The following GLUD1 variants were observed in gnomAD, a reference collection of about 807,000 sequenced individuals.
The protein encoded by GLUD1 is glutamate dehydrogenase 1, mitochondrial.
In GLUD1, 22 loss-of-function variants were observed where a neutral mutation model predicts 56.0. That is an observed-to-expected ratio of 0.39 (90% CI 0.28 to 0.56). GLUD1 has a LOEUF of 0.56. GLUD1 is among the 20% of genes least tolerant of loss of function. The pLI is 0.58. For synonymous variants in GLUD1, 223 were observed against 269.9 expected, an observed-to-expected ratio of 0.83 and a Z score of 1.70; for missense variants, 451 against 732.0, an observed-to-expected ratio of 0.62 and a Z score of 4.43.
At chr10:87,088,300 A>G (rs1841433594) in intron 1 of GLUD1, among the ~76,000 whole-genome samples, 1 of 152,102 alleles carries the variant, frequency 6.6e-6, no homozygotes, top group African/African-American at 2.4e-5. Flanking sequence ...TCTACTTGGG[A>G]GAAATCAATG....
Position 87,076,557 on chromosome 10 carries a change from A to T in GLUD1, c.526+19T>A. 6.8e-7 allele frequency: 1 copy of T among 1,479,498 alleles called. No individual in the cohort carries two copies. The highest frequency in any genetic ancestry group is 9.5e-7 in the Non-Finnish European group (1 of 1,056,876). 91.6% of individuals were successfully genotyped at this position (1,479,498 alleles called of 1,614,324 possible). A position where few individuals can be genotyped will look rare whatever the true frequency, so the allele number is the denominator to read the frequency against. On this transcript the variant is annotated intron_variant, in intron 2 of 12. Coordinates refer to ENST00000277865, the MANE Select transcript of GLUD1 (RefSeq NM_005271.5). ...TTCCCCAGAGTTCTCATTAGGCAGC[A>T]AGAAAGGCGATCACTTACCAACCAC...
Position 87,094,303 on chromosome 10 carries a change from A to ACGGGGCCCGGC in GLUD1, c.445+11_445+21dup, listed in dbSNP as rs1316892102. The ACGGGGCCCGGC allele has an allele frequency of 6.3e-7, 1 of 1,584,626 alleles. No individual in the cohort carries two copies. Among genetic ancestry groups the ACGGGGCCCGGC allele is most frequent in the East Asian group, 2.3e-5 (1 of 43,238 alleles). ...CCGCAGGGGAGGCAGGGAGGGCGGG[A>ACGGGGCCCGGC]CGGGGCCCGGCCGACGCTCACCTCC... On this transcript the variant is annotated intron_variant, in intron 1 of 12. Coordinates refer to ENST00000277865, the MANE Select transcript of GLUD1 (RefSeq NM_005271.5). This position sits in a 1 kb window ranked among gnomAD's most constrained non-coding sequence, Gnocchi z 6.6.
chr10:87,063,177 G>A (rs1350226746), intron 5 of GLUD1, among the ~76,000 whole-genome samples: 5 of 151,856 alleles, frequency 3.3e-5, no homozygotes, highest in African/African-American at 1.2e-4. Flanking sequence ...AGGTTCAAGC[G>A]ATTCTCCTGC....
chr10:87,079,687 TGCCCTGC>T (rs1841153301), intron 1 of GLUD1, among the ~76,000 whole-genome samples: 1 of 152,138 alleles, frequency 6.6e-6, no homozygotes, highest in Admixed American at 6.5e-5. Flanking sequence ...TCTGGCACGG[TGCCCTGC>T]AAGTGGTCAA....
At chr10:87,079,665 G>A (rs999323250) in intron 1 of GLUD1, among the ~76,000 whole-genome samples, 9 of 152,096 alleles carry the variant, frequency 5.9e-5, no homozygotes, top group Non-Finnish European at 1.2e-4. Context: ...GAGGAACATC[G>A]CACATGGGGA....
intron 5 of GLUD1, among the ~76,000 whole-genome samples, chr10:87,064,898 A>G (rs533226144): frequency 3.2e-4 from 48 of 152,336 alleles, no homozygotes; most frequent in African/African-American, 1.1e-3. Context: ...TGGTCCTGAA[A>G]GCCCAGAGAA....
chr10:87,076,907 T>C (rs937298923), intron 1 of GLUD1, among the ~76,000 whole-genome samples: 4 of 152,288 alleles, frequency 2.6e-5, no homozygotes, highest in Non-Finnish European at 4.4e-5. Context: ...AAAATCACCC[T>C]GCAATGAATT....
intron 3 of GLUD1, among the ~76,000 whole-genome samples, chr10:87,075,267 T>G (rs1471509583): frequency 6.6e-6 from 1 of 152,178 alleles, no homozygotes; most frequent in Non-Finnish European, 1.5e-5. Flanking sequence ...GCCTGGCTAA[T>G]CAGATCACAG....
chr10:87,051,645 T>A lies in GLUD1; in HGVS notation c.*106A>T. The A allele has an allele frequency of 8.0e-7, 1 of 1,242,284 alleles. No homozygotes were observed. Among genetic ancestry groups the A allele is most frequent in the Non-Finnish European group, 1.2e-6 (1 of 842,738 alleles). The allele number at this position is 1,242,284 out of a possible 1,614,324, so 77.0% of individuals were successfully genotyped here. ...ACTTGTTGAGAATGGTATCCATTAT[T>A]AATGAGTCAGGAGAGAAAGGGATTT... On this transcript the variant is annotated 3_prime_UTR_variant, in exon 13 of 13. Coordinates refer to ENST00000277865, the MANE Select transcript of GLUD1 (RefSeq NM_005271.5).
Position 87,050,303 on chromosome 10 carries a change from C to T in GLUD1, c.*1448G>A, listed in dbSNP as rs1222840019. ...TCGTTACTCGGGAAGTTTCTCTGAACGTGTAAAGCACCGAACAAAAAAAAA... is the reference window on the plus strand; with the variant it reads ...TCGTTACTCGGGAAGTTTCTCTGAATGTGTAAAGCACCGAACAAAAAAAAA... On this transcript the variant is annotated 3_prime_UTR_variant, in exon 13 of 13. Transcript: ENST00000277865. 6.1e-5 allele frequency among the ~76,000 whole-genome samples: 9 copies of T among 147,970 alleles called. No individual in the cohort carries two copies. The highest frequency in any genetic ancestry group is 5.9e-4 in the East Asian group (3 of 5,104).
intron 1 of GLUD1, among the ~76,000 whole-genome samples, chr10:87,078,512 T>G (rs1413427805): frequency 3.3e-5 from 5 of 152,228 alleles, no homozygotes; most frequent in Non-Finnish European, 4.4e-5. Flanking sequence ...GAGGGCAGAC[T>G]TTGTTATGTT....
intron 12 of GLUD1, among the ~76,000 whole-genome samples, chr10:87,053,139 A>G (rs1415607401): frequency 2.6e-5 from 4 of 152,208 alleles, no homozygotes; most frequent in Non-Finnish European, 5.9e-5. Context: ...ATTTCTTTCC[A>G]AAGCCTCAAA....
chr10:87,077,660 C>G (rs1392288530), intron 1 of GLUD1, among the ~76,000 whole-genome samples: 13 of 151,618 alleles, frequency 8.6e-5, no homozygotes, highest in Non-Finnish European at 4.4e-5. Context: ...GTCAATTACT[C>G]TTCAAAGTTT....
chr10:87,087,436 G>C (rs1290790991), intron 1 of GLUD1, among the ~76,000 whole-genome samples: 1 of 152,156 alleles, frequency 6.6e-6, no homozygotes, highest in East Asian at 1.9e-4. Flanking sequence ...ATCTCCAGAG[G>C]TCAAAGGGTG....
intron 1 of GLUD1, among the ~76,000 whole-genome samples, chr10:87,085,333 G>A (rs1841355460): frequency 7.2e-6 from 1 of 138,716 alleles, no homozygotes; most frequent in South Asian, 2.3e-4. Flanking sequence ...GCGACAGAGA[G>A]TGAGACTCCG....
chr10:87,080,250 C>G (rs1221644107), intron 1 of GLUD1, among the ~76,000 whole-genome samples: 1 of 151,938 alleles, frequency 6.6e-6, no homozygotes, highest in African/African-American at 2.4e-5. Context: ...CTCAATGGTG[C>G]CCAGGCTGGA....
chr10:87,085,703 G>T (rs566563814), intron 1 of GLUD1, among the ~76,000 whole-genome samples: 3 of 152,268 alleles, frequency 2.0e-5, no homozygotes, highest in East Asian at 3.9e-4. Flanking sequence ...CTCCTTAGGG[G>T]TGACTATTCT....
chr10:87,083,389 C>G (rs776096159), intron 1 of GLUD1, among the ~76,000 whole-genome samples: 4 of 152,148 alleles, frequency 2.6e-5, no homozygotes, highest in African/African-American at 9.7e-5. Context: ...AATGCCTACT[C>G]TCGTTCAAAT....
intron 5 of GLUD1, among the ~76,000 whole-genome samples, chr10:87,066,143 G>T (rs915329119): frequency 6.6e-6 from 1 of 151,986 alleles, no homozygotes. Flanking sequence ...CATGCCAAAA[G>T]ACAAAAAAAA....
Sources: gnomAD v4.1 joint callset for allele counts (sites outside exome capture counted in the v4.1 genomes callset) on GRCh38, gnomAD v4.1.1 for gene constraint, Gnocchi (gnomAD v3.1) non-coding constraint, MANE v1.5 for transcripts, NCBI Gene and HGNC (gene_info 2026-07-23, HGNC 2026-07-21) for gene names.